RAI14: variants seen among roughly 807,000 people sequenced by gnomAD.
The protein encoded by RAI14 is ankycorbin.
In RAI14, 45 loss-of-function variants were observed where a neutral mutation model predicts 115.4. The ratio of observed to expected loss-of-function variants is 0.39; its 90% CI spans 0.31 to 0.50. The LOEUF is 0.50. Among genes scored for constraint, RAI14 ranks in the 20% least tolerant of loss-of-function variants. The probability of loss-of-function intolerance (pLI) is 0.85; values close to 1 mark genes in which losing one functional copy is unlikely to be tolerated. For missense variants in RAI14, 939 were observed against 1,131.2 expected, an observed-to-expected ratio of 0.83 and a Z score of 2.44; for synonymous variants, 371 against 415.4, an observed-to-expected ratio of 0.89 and a Z score of 1.30.
intron 1 of RAI14, among the ~76,000 whole-genome samples, chr5:34,664,230 C>G (rs1045174478): frequency 6.6e-6 from 1 of 151,444 alleles, no homozygotes; most frequent in Non-Finnish European, 1.5e-5. Flanking sequence ...TGGCTGCTGC[C>G]TGTAATCCAA....
intron 2 of RAI14, among the ~76,000 whole-genome samples, chr5:34,737,776 C>A (rs1745051682): frequency 6.6e-6 from 1 of 151,944 alleles, no homozygotes; most frequent in Admixed American, 6.6e-5. Context: ...AAAAACAAAA[C>A]CAAAAAAAGC....
intron 2 of RAI14, among the ~76,000 whole-genome samples, chr5:34,691,683 C>T (rs541202053): frequency 6.6e-6 from 1 of 152,184 alleles, no homozygotes; most frequent in Admixed American, 6.5e-5. Context: ...CAAACGTGAT[C>T]GAGGGCTTCA....
At chr5:34,706,518 C>T (rs1740713834) in intron 2 of RAI14, among the ~76,000 whole-genome samples, 2 of 152,116 alleles carry the variant, frequency 1.3e-5, no homozygotes, top group African/African-American at 4.8e-5. Context: ...GATACTTAGA[C>T]ATTCATGTTA....
chr5:34,814,599 C>A lies in RAI14; in HGVS notation c.869C>A (p.Ser290Tyr). 1 of 1,613,028 alleles carries A rather than the reference C, an allele frequency of 6.2e-7. No individual in the cohort carries two copies. The highest frequency in any genetic ancestry group is 8.5e-7 in the Non-Finnish European group (1 of 1,179,158). ...CTTTTTTAGTTGAGTGATGTCTCTTCCCCAAGATCAATAACTTCGACTCCA... is the reference window on the plus strand; with the variant it reads ...CTTTTTTAGTTGAGTGATGTCTCTTACCCAAGATCAATAACTTCGACTCCA... Reference protein sequence around the residue: ...ISPTQLSDVSSPRSITSTPLS... With the variant: ...ISPTQLSDVSYPRSITSTPLS... Residue 290 changes from serine to tyrosine, a missense_variant, in exon 12 of 18, where the codon TCC becomes TAC. Physicochemically the swap from Ser to Tyr is moderately radical, Grantham distance 144. Coordinates refer to ENST00000265109, the MANE Select transcript of RAI14 (RefSeq NM_015577.3).
chr5:34,706,865 C>T (rs961113294), intron 2 of RAI14, among the ~76,000 whole-genome samples: 1 of 152,068 alleles, frequency 6.6e-6, no homozygotes, highest in African/African-American at 2.4e-5. Context: ...CTTTTCTACC[C>T]CAGAAAAGTT....
chr5:34,811,456 G>C (rs745350214), intron 8 of RAI14, among the ~76,000 whole-genome samples: 3 of 152,072 alleles, frequency 2.0e-5, no homozygotes, highest in Non-Finnish European at 4.4e-5. Flanking sequence ...TATTTAAAAT[G>C]CTTGAGGTAA....
chr5:34,811,719 C>T, intron 8 of RAI14, 48 bp from the exon 9 acceptor site: 1 of 1,495,850 alleles, frequency 6.7e-7, no homozygotes, highest in Non-Finnish European at 9.0e-7. Context: ...CCAAGAAAGA[C>T]TTTTTACATT....
At chr5:34,772,436 C>T (rs1414595946) in intron 3 of RAI14, among the ~76,000 whole-genome samples, 1 of 152,216 alleles carries the variant, frequency 6.6e-6, no homozygotes, top group Non-Finnish European at 1.5e-5. Context: ...TTCTCTGCCT[C>T]AGTTTTCCTC....
At chr5:34,675,700 A>G (rs941029121) in intron 1 of RAI14, among the ~76,000 whole-genome samples, 8 of 151,844 alleles carry the variant, frequency 5.3e-5, no homozygotes, top group African/African-American at 1.7e-4. Context: ...GCAGAGAGCT[A>G]TGATGGTGCC....
At chr5:34,700,085 T>C (rs1739858792) in intron 2 of RAI14, among the ~76,000 whole-genome samples, 1 of 152,120 alleles carries the variant, frequency 6.6e-6, no homozygotes, top group African/African-American at 2.4e-5. Context: ...AAAGCGCAAA[T>C]TGGGAACTGA....
intron 2 of RAI14, among the ~76,000 whole-genome samples, chr5:34,707,081 G>T (rs572894348): frequency 6.6e-6 from 1 of 152,186 alleles, no homozygotes; most frequent in Non-Finnish European, 1.5e-5. Flanking sequence ...GGACAGAACC[G>T]CAGGCTATAT....
At chr5:34,799,750 C>T (rs112823409) in intron 4 of RAI14, among the ~76,000 whole-genome samples, 4 of 144,444 alleles carry the variant, frequency 2.8e-5, no homozygotes, top group South Asian at 2.2e-4. Flanking sequence ...TGCAGTGGCA[C>T]GATCTCGGCT....
chr5:34,665,093 GTATA>G lies in RAI14; in HGVS notation c.-49+8624_-49+8627del, dbSNP rs1234378820. On this transcript the variant is annotated intron_variant, in intron 1 of 17. Coordinates refer to ENST00000265109, the MANE Select transcript of RAI14 (RefSeq NM_015577.3). ...TGTATATATATGTGTATATATATGT[GTATA>G]TATATGTGTATATATATGTGTATAT... is the stretch of plus-strand genomic sequence containing the variant. Among the ~76,000 whole-genome samples the G allele has an allele frequency of 9.6e-3, 215 of 22,390 alleles. 78 individuals carry two copies. The highest frequency in any genetic ancestry group is 0.035 in the African/African-American group (212 of 6,096). The allele number at this position is 22,390 out of a possible 152,430, so 14.7% of individuals were successfully genotyped here.
At chr5:34,662,059 G>C (rs977036978) in intron 1 of RAI14, among the ~76,000 whole-genome samples, 6 of 152,168 alleles carry the variant, frequency 3.9e-5, no homozygotes, top group African/African-American at 1.4e-4. Context: ...GAAGTGCTGG[G>C]ATTACAGGCA....
chr5:34,750,378 A>G (rs1327547712), intron 2 of RAI14, among the ~76,000 whole-genome samples: 1 of 152,144 alleles, frequency 6.6e-6, no homozygotes, highest in Non-Finnish European at 1.5e-5. Context: ...GTGGATGTGC[A>G]TTATTCTGAG....
intron 1 of RAI14, among the ~76,000 whole-genome samples, chr5:34,677,082 T>G (rs898366580): frequency 6.6e-6 from 1 of 152,144 alleles, no homozygotes; most frequent in Non-Finnish European, 1.5e-5. Flanking sequence ...AGCAGCTTTG[T>G]TTTGTATCCC....
intron 2 of RAI14, among the ~76,000 whole-genome samples, chr5:34,696,291 C>T (rs1219940415): frequency 6.6e-6 from 1 of 152,108 alleles, no homozygotes; most frequent in Non-Finnish European, 1.5e-5. Flanking sequence ...GTGCCTGCCA[C>T]CACGCCTGGC....
chr5:34,780,283 T>A (rs1307096109), intron 3 of RAI14, among the ~76,000 whole-genome samples: 2 of 152,112 alleles, frequency 1.3e-5, no homozygotes, highest in Non-Finnish European at 2.9e-5. Flanking sequence ...GAAGAAAACC[T>A]AGGCAATACC....
At chr5:34,810,337 A>G (rs777275057) in intron 7 of RAI14, among the ~76,000 whole-genome samples, 1 of 152,106 alleles carries the variant, frequency 6.6e-6, no homozygotes, top group Non-Finnish European at 1.5e-5. Flanking sequence ...ATTTTTCATC[A>G]TTTGTTTTAT....
Sources: gnomAD v4.1 joint callset for allele counts (sites outside exome capture counted in the v4.1 genomes callset) on GRCh38, gnomAD v4.1.1 for gene constraint, MANE v1.5 for transcripts, NCBI Gene and HGNC (gene_info 2026-07-23, HGNC 2026-07-21) for gene names.